LUZP4: variants seen among roughly 807,000 people sequenced by gnomAD.
The protein encoded by LUZP4 is leucine zipper protein 4.
LUZP4 carries 11 observed loss-of-function variants against 8.5 expected under a neutral mutation model. The ratio of observed to expected loss-of-function variants is 1.30; its 90% confidence interval spans 0.82 to 2.14. The LOEUF (loss-of-function observed/expected upper bound fraction) is 2.14, where lower values mean the gene tolerates loss of function less well. Ranked by LOEUF, LUZP4 falls within the 30% of genes most tolerant of loss-of-function variation. The pLI is 0.00. For missense variants in LUZP4, 276 were observed against 229.7 expected (o/e 1.20, Z -1.30); for synonymous variants, 104 against 79.4 (o/e 1.31, Z -1.65).
chrX:115,307,138 C>T lies in LUZP4; in HGVS notation c.*334C>T, dbSNP rs1056342479. 1.4e-4 allele frequency: 33 copies of T among 231,581 alleles called. No homozygotes were observed. The highest frequency in any genetic ancestry group is 8.6e-4 in the African/African-American group (31 of 35,863). The allele number at this position is 231,581 out of a possible 1,213,427, so 19.1% of individuals were successfully genotyped here. ...TGGACGTTCCAACTTGACTTAGTGTCCAGTGCCCCTTGGACATTCCAACCT... is the reference window on the plus strand; with the variant it reads ...TGGACGTTCCAACTTGACTTAGTGTTCAGTGCCCCTTGGACATTCCAACCT... On this transcript the variant is annotated 3_prime_UTR_variant, in exon 4 of 4. Transcript: ENST00000371920.
intron 1 of LUZP4, among the ~76,000 whole-genome samples, chrX:115,293,913 T>C (rs1469846346): frequency 3.7e-5 from 4 of 108,286 alleles, no homozygotes; most frequent in African/African-American, 1.3e-4. Context: ...ATTGTGCCAC[T>C]GCACTCCAGC....
intron 3 of LUZP4, among the ~76,000 whole-genome samples, chrX:115,304,118 T>C (rs782654498): frequency 5.3e-5 from 6 of 112,637 alleles, no homozygotes; most frequent in Admixed American, 9.4e-5. Flanking sequence ...TGTTGCATTT[T>C]CAAATATTTA....
chrX:115,300,477 G>C (rs2073391663), intron 1 of LUZP4, among the ~76,000 whole-genome samples: 2 of 112,751 alleles, frequency 1.8e-5, no homozygotes, highest in Admixed American at 1.9e-4. Context: ...GTCCTGGGCT[G>C]TGTATGGCCT....
chrX:115,306,947 T>G lies in LUZP4; in HGVS notation c.*143T>G, dbSNP rs185426804. 3.5e-6 allele frequency: 2 copies of G among 572,721 alleles called. No individual in the cohort carries two copies. Among genetic ancestry groups the G allele is most frequent in the East Asian group, 3.4e-5 (1 of 29,314 alleles). The allele number at this position is 572,721 out of a possible 1,213,427, so 47.2% of individuals were successfully genotyped here. A position where few individuals can be genotyped will look rare whatever the true frequency, so the allele number is the denominator to read the frequency against. ...GGAGGTAATACATACATAGTATCAA[T>G]ATTGTTTCAACTTGATGTCCTCTAA... is the stretch of plus-strand genomic sequence containing the variant. On this transcript the variant is annotated 3_prime_UTR_variant, in exon 4 of 4. Transcript: ENST00000371920.
chrX:115,300,817 G>A (rs1220681430), intron 1 of LUZP4, among the ~76,000 whole-genome samples: 4 of 111,392 alleles, frequency 3.6e-5, no homozygotes, highest in African/African-American at 9.8e-5. Context: ...TGACATTGGC[G>A]ATTCAGGACT....
intron 1 of LUZP4, 52 bp from the exon 2 acceptor site, chrX:115,301,940 C>A (rs187359846): frequency 7.1e-4 from 623 of 872,569 alleles, no homozygotes; most frequent in Non-Finnish European, 7.0e-4. Flanking sequence ...TCACTCGAGA[C>A]ATTATTTGGC....
Position 115,289,746 on chromosome X carries a change from A to T in LUZP4, c.-14A>T. On this transcript the variant is annotated 5_prime_UTR_variant, in exon 1 of 4. The change abolishes an upstream ATG in the 5' untranslated region. Coordinates refer to ENST00000371920, the MANE Select transcript of LUZP4 (RefSeq NM_016383.5). The stretch of plus-strand genomic sequence containing the variant: ...GCCCTACCTCGGAGTGTGTGGCGCC[A>T]TGATGCAGGGAAGATGGCTTCGTTT... 8.4e-7 allele frequency: 1 copy of T among 1,184,299 alleles called. No individual in the cohort carries two copies.
intron 1 of LUZP4, among the ~76,000 whole-genome samples, chrX:115,297,427 C>T: frequency 8.9e-6 from 1 of 112,088 alleles, no homozygotes; most frequent in Non-Finnish European, 1.9e-5. Flanking sequence ...CTCCCTTTAG[C>T]ATTTTTTGTA....
chrX:115,293,574 G>A (rs782094015), intron 1 of LUZP4, among the ~76,000 whole-genome samples: 8 of 111,143 alleles, frequency 7.2e-5, no homozygotes, highest in East Asian at 2.8e-4. Flanking sequence ...CACCACATCC[G>A]GCCTTTGATA....
chrX:115,302,787 T>A (rs782180362), intron 2 of LUZP4, among the ~76,000 whole-genome samples: 1 of 112,504 alleles, frequency 8.9e-6, no homozygotes, highest in East Asian at 2.8e-4. Flanking sequence ...GAAGCGATGA[T>A]AGTTATTACA....
At chrX:115,303,761 A>G (rs2073408484) in intron 3 of LUZP4, among the ~76,000 whole-genome samples, 1 of 112,025 alleles carries the variant, frequency 8.9e-6, no homozygotes, top group Non-Finnish European at 1.9e-5. Context: ...GAGTTTTAGT[A>G]TCTTTGTGAA....
intron 1 of LUZP4, among the ~76,000 whole-genome samples, chrX:115,300,913 T>G (rs954785507): frequency 2.7e-5 from 3 of 111,336 alleles, no homozygotes; most frequent in Admixed American, 9.6e-5. Flanking sequence ...TTGGTTTTTA[T>G]GAAGGTGTTT....
At chrX:115,291,390 C>A (rs959758924) in intron 1 of LUZP4, among the ~76,000 whole-genome samples, 3 of 111,513 alleles carry the variant, frequency 2.7e-5, no homozygotes. Context: ...TGAGCCACTG[C>A]GCCTGGCCAA....
rs782813370 is a variant in LUZP4 at position 115,306,441 on chromosome X, A to G, written c.579A>G (p.Gln193=). Residue 193 remains glutamine, a synonymous_variant, in exon 4 of 4, where the codon CAA becomes CAG. Coordinates refer to ENST00000371920, the MANE Select transcript of LUZP4 (RefSeq NM_016383.5). ...CCCAATATGAGAGATCTCATGGCCA[A>G]TACAAGAGATCTCATGGTCAATCTG... ...HHPQYERSHG[Q]YKRSHGQSER... is the part of the protein sequence containing the mutation. 2.5e-6 allele frequency: 3 copies of G among 1,211,521 alleles called. No homozygotes were observed. Among genetic ancestry groups the G allele is most frequent in the East Asian group, 3.0e-5 (1 of 33,805 alleles).
At chrX:115,306,070 T>C in intron 3 of LUZP4, 135 bp from the exon 4 acceptor site, 1 of 649,729 alleles carries the variant, frequency 1.5e-6, no homozygotes, top group Non-Finnish European at 2.3e-6. Context: ...AAAAACTGGT[T>C]GATAAATAAA....
At chrX:115,293,490 A>T (rs184558654) in intron 1 of LUZP4, among the ~76,000 whole-genome samples, 1 of 109,882 alleles carries the variant, frequency 9.1e-6, no homozygotes, top group Non-Finnish European at 1.9e-5. Flanking sequence ...TATTGCCTAG[A>T]CTGGTCTCGA....
intron 1 of LUZP4, among the ~76,000 whole-genome samples, chrX:115,293,442 T>C (rs1402779247): frequency 1.8e-5 from 2 of 109,606 alleles, no homozygotes; most frequent in Non-Finnish European, 3.8e-5. Flanking sequence ...CACGCCCAGC[T>C]AATTTTTTTG....
chrX:115,301,773 A>C (rs2147404661), intron 1 of LUZP4, among the ~76,000 whole-genome samples: 1 of 112,296 alleles, frequency 8.9e-6, no homozygotes, highest in Non-Finnish European at 1.9e-5. Flanking sequence ...GTTACCATAT[A>C]TCTAACAGGA....
rs2073340069 is a variant in LUZP4 at position 115,289,858 on chromosome X, G to A, written c.91+8G>A. On this transcript the variant is annotated splice_region_variant and intron_variant, in intron 1 of 3. Coordinates refer to ENST00000371920, the MANE Select transcript of LUZP4 (RefSeq NM_016383.5). ...TCCTAGATATGTCTCTAGGTATGTA[G>A]ATCTCGGATCCCAGTCTCCACTAGT... 8.7e-7 allele frequency: 1 copy of A among 1,150,896 alleles called. No homozygotes were observed. The highest frequency in any genetic ancestry group is 1.2e-6 in the Non-Finnish European group (1 of 843,186). The allele number at this position is 1,150,896 out of a possible 1,213,427, so 94.8% of individuals were successfully genotyped here. A position where few individuals can be genotyped will look rare whatever the true frequency, so the allele number is the denominator to read the frequency against.
Sources: allele counts gnomAD v4.1 joint callset (sites outside exome capture counted in the v4.1 genomes callset), GRCh38; gene constraint gnomAD v4.1.1; transcripts MANE v1.5; gene names NCBI Gene and HGNC (gene_info 2026-07-23, HGNC 2026-07-21).